PCDHGB2: variants seen among roughly 807,000 people sequenced by gnomAD.
PCDHGB2 encodes the protein protocadherin gamma subfamily B, 2.
A neutral mutation model predicts 59.3 loss-of-function variants in PCDHGB2; 55 were observed. The observed-to-expected ratio is 0.93, with a 90% CI of 0.75 to 1.16. The LOEUF is 1.16. Among genes scored for constraint, PCDHGB2 ranks in the 50% most tolerant of loss-of-function variants. The pLI is 0.00. For synonymous variants in PCDHGB2, 516 were observed against 512.0 expected (o/e 1.01, Z -0.11); for missense variants, 1,228 against 1,198.5 (o/e 1.02, Z -0.36).
At position 141,475,845 on chromosome 5, in the gene PCDHGB2, G is replaced by A. The variant is rs2099375736; in HGVS notation, c.2422-18962G>A. On this transcript the variant is annotated intron_variant, in intron 1 of 3. Coordinates refer to ENST00000522605, the MANE Select transcript of PCDHGB2 (RefSeq NM_018923.3). ...CGCTAGCGCGTGTCCTGCTCAGAGA[G>A]CCCGGCGCTAGCTCATTCTTCGTGC... The A allele has an allele frequency of 2.0e-5, 9 of 447,884 alleles. 1 individual carries two copies. In the South Asian group the frequency reaches 2.8e-4, roughly 14 times the overall value. 27.7% of individuals were successfully genotyped at this position (447,884 alleles called of 1,614,324 possible).
chr5:141,438,597 T>C (rs1343540280), intron 1 of PCDHGB2, among the ~76,000 whole-genome samples: 20 of 38,918 alleles, frequency 5.1e-4, no homozygotes, highest in African/African-American at 1.6e-3. Flanking sequence ...CATACATATA[T>C]ATATATATAT....
chr5:141,420,229 C>A (rs1206296211), intron 1 of PCDHGB2: 1 of 1,600,344 alleles, frequency 6.2e-7, no homozygotes, highest in South Asian at 1.1e-5. Flanking sequence ...TACTGGCTAG[C>A]ATTTTAACTC....
At chr5:141,398,740 C>G in intron 1 of PCDHGB2, 2 of 1,613,864 alleles carry the variant, frequency 1.2e-6, no homozygotes, top group Non-Finnish European at 1.7e-6. Context: ...CCGGGAACAA[C>G]AGAGTTACCA....
At chr5:141,443,871 G>A (rs1395939418) in intron 1 of PCDHGB2, among the ~76,000 whole-genome samples, 1 of 152,112 alleles carries the variant, frequency 6.6e-6, no homozygotes, top group East Asian at 1.9e-4. Context: ...AAAAATTACT[G>A]ATAAGTCAAG....
chr5:141,420,488 A>C, intron 1 of PCDHGB2: 1 of 534,916 alleles, frequency 1.9e-6, no homozygotes, highest in East Asian at 3.8e-5. Context: ...CTACATGGGT[A>C]ATCTCCGGTG....
At chr5:141,382,787 T>A in intron 1 of PCDHGB2, 1 of 906,454 alleles carries the variant, frequency 1.1e-6, no homozygotes, top group Non-Finnish European at 1.7e-6. Context: ...CTCAAGCCTC[T>A]ATCCTGCTGG....
chr5:141,427,871 G>A (rs762885351), intron 1 of PCDHGB2: 1 of 1,559,530 alleles, frequency 6.4e-7, no homozygotes, highest in South Asian at 1.1e-5. Flanking sequence ...TCGAGCTCAC[G>A]ATGCAGGCCC....
In PCDHGB2 at chr5:141,491,198, A is replaced by T. The variant is rs1344758185; in HGVS notation, c.2422-3609A>T. ...GTGGTCCTGGTGAGGGACAATGGTG[A>T]CCCTTCACTCTCCTCCACAGCCACA... On this transcript the variant is annotated intron_variant, in intron 1 of 3. Coordinates refer to ENST00000522605, the MANE Select transcript of PCDHGB2 (RefSeq NM_018923.3). This position sits in a 1 kb window ranked among gnomAD's most constrained non-coding sequence, Gnocchi z 6.9. 1.2e-6 allele frequency: 2 copies of T among 1,613,912 alleles called. No individual in the cohort carries two copies. The highest frequency in any genetic ancestry group is 1.3e-5 in the African/African-American group (1 of 74,866).
chr5:141,401,815 C>G (rs1217081146), intron 1 of PCDHGB2, among the ~76,000 whole-genome samples: 1 of 152,184 alleles, frequency 6.6e-6, no homozygotes, highest in Non-Finnish European at 1.5e-5. Flanking sequence ...GGGTTCCTTA[C>G]AAAGTGCTGA....
At chr5:141,372,782 G>A (rs761699184) in intron 1 of PCDHGB2, 19 of 1,608,122 alleles carry the variant, frequency 1.2e-5, no homozygotes, top group African/African-American at 5.3e-5. Flanking sequence ...ATCCAGAAAT[G>A]CCTTCTAATT....
chr5:141,417,678 A>G (rs1306009640), intron 1 of PCDHGB2: 4 of 997,368 alleles, frequency 4.0e-6, no homozygotes, highest in Non-Finnish European at 5.7e-6. Flanking sequence ...GCAGCCAACA[A>G]CAGAAAAGAA....
In PCDHGB2 at chr5:141,360,218, C is replaced by T. The variant is rs1331722103; in HGVS notation, c.83C>T (p.Ala28Val). The T allele has an allele frequency of 6.2e-7, 1 of 1,613,378 alleles. No individual in the cohort carries two copies. The highest frequency in any genetic ancestry group is 1.3e-5 in the African/African-American group (1 of 75,016). The change falls in exon 1 of 4, where the codon GCT (alanine) becomes GTT (valine). Residue 28 changes from alanine (A) to valine (V), a missense_variant. Around this residue, in one of 3 missense-constraint regions of PCDHGB2, gnomAD observed 781 missense variants for 721.6 expected, o/e 1.08. Coordinates refer to ENST00000522605, the MANE Select transcript of PCDHGB2 (RefSeq NM_018923.3). The part of the protein sequence containing the change: ...LPFLLSLFPG[A>V]LPVQIRYSIP... ...TTCCTGTTGTCTTTGTTCCCCGGGG[C>T]TCTCCCAGTCCAGATCCGCTATTCA... is the stretch of plus-strand genomic sequence containing the variant.
Position 141,485,757 on chromosome 5 carries a change from T to A in PCDHGB2, c.2422-9050T>A. The A allele has an allele frequency of 6.2e-7, 1 of 1,614,174 alleles. No homozygotes were observed. The highest frequency in any genetic ancestry group is 8.5e-7 in the Non-Finnish European group (1 of 1,180,028). The stretch of plus-strand genomic sequence containing the variant: ...GACGGCAGCCTGGTCCCAGAGCTGC[T>A]CCTGGAGAAGCCTTTGGATCGAGAG... On this transcript the variant is annotated intron_variant, in intron 1 of 3. Transcript: ENST00000522605. The surrounding 1 kb of genome is among the most constrained non-coding windows in gnomAD (Gnocchi z 5.7).
chr5:141,471,044 CT>C (rs1432278092), intron 1 of PCDHGB2, among the ~76,000 whole-genome samples: 3 of 136,442 alleles, frequency 2.2e-5, no homozygotes. Flanking sequence ...AGCCCAAGCC[CT>C]CTTTTTTTTT....
At chr5:141,389,715 G>A (rs1210776013) in intron 1 of PCDHGB2, 4 of 1,612,586 alleles carry the variant, frequency 2.5e-6, no homozygotes, top group Middle Eastern at 1.7e-4. Context: ...GCAGGCTAGC[G>A]AGCCCGGGCT....
chr5:141,423,494 A>C lies in PCDHGB2; in HGVS notation c.2421+60938A>C, dbSNP rs753859784. ...CAGGCTTTCCTGCAAACCTATTCCCACGAGGTCTCTCTCATTGCGGACTCG... is the reference window on the plus strand; with the variant it reads ...CAGGCTTTCCTGCAAACCTATTCCCCCGAGGTCTCTCTCATTGCGGACTCG... On this transcript the variant is annotated intron_variant, in intron 1 of 3. Transcript: ENST00000522605. The C allele has an allele frequency of 3.8e-5, 61 of 1,613,842 alleles. No individual in the cohort carries two copies. The highest frequency in any genetic ancestry group is 5.9e-6 in the Non-Finnish European group (7 of 1,179,940).
intron 1 of PCDHGB2, chr5:141,404,892 A>G (rs2094580163): frequency 1.2e-6 from 2 of 1,613,880 alleles, no homozygotes; most frequent in African/African-American, 1.3e-5. Flanking sequence ...GTGGCTGTAC[A>G]GGACCATGGC....
chr5:141,375,011 G>C, intron 1 of PCDHGB2: 2 of 1,614,028 alleles, frequency 1.2e-6, no homozygotes, highest in Non-Finnish European at 1.7e-6. Context: ...TCTAGACTAT[G>C]AGGACTCGAG....
intron 2 of PCDHGB2, among the ~76,000 whole-genome samples, chr5:141,500,324 T>G (rs1165047676): frequency 6.6e-6 from 1 of 151,994 alleles, no homozygotes; most frequent in African/African-American, 2.4e-5. Flanking sequence ...TGCTCCTGCC[T>G]CAGCCTCCAG....
Sources: allele counts gnomAD v4.1 joint callset (sites outside exome capture counted in the v4.1 genomes callset), GRCh38; gene constraint gnomAD v4.1.1; regional missense constraint gnomAD v4.1.1; non-coding constraint Gnocchi (gnomAD v3.1); transcripts MANE v1.5; gene names NCBI Gene and HGNC (gene_info 2026-07-23, HGNC 2026-07-21).